The following ANK1 variants were observed in gnomAD, a reference collection of about 807,000 sequenced individuals.
ANK1 encodes ankyrin-1.
Under a neutral mutation model 210.4 loss-of-function variants are expected in ANK1, and 51 were observed. The observed-to-expected ratio is 0.24, with a 90% confidence interval of 0.19 to 0.31. ANK1 has a LOEUF of 0.31. Ranked by LOEUF, ANK1 falls within the 10% of genes least tolerant of loss-of-function variation. ANK1 has a pLI of 1.00. For synonymous variants in ANK1, 967 were observed against 1,025.9 expected, an observed-to-expected ratio of 0.94 and a Z score of 1.10; for missense variants, 2,051 against 2,504.4, an observed-to-expected ratio of 0.82 and a Z score of 3.86.
intron 2 of ANK1, among the ~76,000 whole-genome samples, chr8:41,746,331 C>T (rs1489541122): frequency 6.6e-6 from 1 of 152,186 alleles, no homozygotes; most frequent in Non-Finnish European, 1.5e-5. Flanking sequence ...AAAATCACAC[C>T]TGATCTCCTT....
intron 1 of ANK1, among the ~76,000 whole-genome samples, chr8:41,808,494 A>G (rs1451196925): frequency 6.6e-6 from 1 of 152,004 alleles, no homozygotes; most frequent in East Asian, 1.9e-4. Context: ...GTGAAACTCC[A>G]TCTCTATTAA....
chr8:41,892,836 G>A (rs977362973), intron 1 of ANK1, among the ~76,000 whole-genome samples: 7 of 152,128 alleles, frequency 4.6e-5, no homozygotes, highest in African/African-American at 1.4e-4. Context: ...ACTGCCTGCC[G>A]CTTGAGTCAG....
rs918730783 is a variant in ANK1 at position 41,831,067 on chromosome 8, C to T, written c.126+65288G>A. On this transcript the variant is annotated intron_variant, in intron 1 of 42. Coordinates refer to the ANK1 transcript ENST00000265709. ...TTGCAGCAACAGATGATGAAGGGAA[C>T]TGAGATACAGACGAAAGCACAGCGG... Among the ~76,000 whole-genome samples the T allele has an allele frequency of 2.7e-4, 41 of 152,296 alleles. 1 individual carries two copies. Among genetic ancestry groups the T allele is most frequent in the African/African-American group, 9.6e-4 (40 of 41,572 alleles).
At chr8:41,793,077 G>A (rs967883480) in intron 1 of ANK1, among the ~76,000 whole-genome samples, 2 of 152,176 alleles carry the variant, frequency 1.3e-5, no homozygotes, top group Non-Finnish European at 2.9e-5. Flanking sequence ...TGGGAGTTCT[G>A]AATAAGAAGT....
Position 41,725,754 on chromosome 8 carries a change from C to A in ANK1, c.612+7G>T. 6.2e-7 allele frequency: 1 copy of A among 1,608,642 alleles called. No individual in the cohort carries two copies. Among genetic ancestry groups the A allele is most frequent in the Non-Finnish European group, 8.5e-7 (1 of 1,179,186 alleles). ...GCCCAAGGCTCCTCCCTCCTCCTCG[C>A]CCTCACCTTGGAAAGCACGTCCGGG... On this transcript the variant is annotated splice_region_variant and intron_variant, in intron 6 of 42. Transcript: ENST00000289734.
At chr8:41,750,393 C>T (rs13257621) in intron 2 of ANK1, among the ~76,000 whole-genome samples, 15,371 of 152,182 alleles carry the variant, frequency 0.1, 908 homozygotes, top group South Asian at 0.14. Flanking sequence ...ATACTCGACC[C>T]GTGGGGCTAA....
At chr8:41,870,626 G>A (rs1268296574) in intron 1 of ANK1, among the ~76,000 whole-genome samples, 8 of 152,236 alleles carry the variant, frequency 5.3e-5, no homozygotes, top group South Asian at 2.1e-4. Context: ...TGTGGCCGGC[G>A]TGAGGGAACA....
At chr8:41,805,405 C>A (rs1397690582) in intron 1 of ANK1, among the ~76,000 whole-genome samples, 1 of 152,000 alleles carries the variant, frequency 6.6e-6, no homozygotes, top group African/African-American at 2.4e-5. Flanking sequence ...CTGTACCCAG[C>A]TAATTTTTTT....
chr8:41,712,091 A>AT (rs563016684), intron 16 of ANK1, among the ~76,000 whole-genome samples: 1 of 151,886 alleles, frequency 6.6e-6, no homozygotes, highest in Non-Finnish European at 1.5e-5. Flanking sequence ...TGCCCGGCTA[A>AT]TTTTTGTATT....
chr8:41,672,087 C>T (rs1812585167), intron 38 of ANK1, among the ~76,000 whole-genome samples: 1 of 152,202 alleles, frequency 6.6e-6, no homozygotes, highest in African/African-American at 2.4e-5. Flanking sequence ...TCCCGGCGCC[C>T]ATATGTCCCT....
intron 1 of ANK1, among the ~76,000 whole-genome samples, chr8:41,875,784 G>C (rs374072506): frequency 6.6e-6 from 1 of 152,260 alleles, no homozygotes; most frequent in Non-Finnish European, 1.5e-5. Flanking sequence ...TTTTTCCCCG[G>C]ACAGCCACAT....
At chr8:41,769,175 A>G in intron 1 of ANK1, among the ~76,000 whole-genome samples, 1 of 152,188 alleles carries the variant, frequency 6.6e-6, no homozygotes, top group African/African-American at 2.4e-5. Context: ...AAAAACTGGT[A>G]TTTGAAGATG....
Position 41,696,814 on chromosome 8 carries a change from G to A in ANK1, c.2638-41C>T, listed in dbSNP as rs148876153. Reference sequence around the variant, plus strand: ...GGGTCCTCCTGTCCCACCTCCTCCCGGGCCAGCTGGATGCCGTGCCAGGGC... The same window carrying A: ...GGGTCCTCCTGTCCCACCTCCTCCCAGGCCAGCTGGATGCCGTGCCAGGGC... On this transcript the variant is annotated intron_variant, in intron 24 of 42. Transcript: ENST00000289734. 2.3e-4 allele frequency: 352 copies of A among 1,557,968 alleles called. 1 individual carries two copies. In the East Asian group the frequency reaches 4.0e-3, roughly 18 times the overall value.
chr8:41,703,438 A>ATTTTT (rs1563491543), intron 20 of ANK1, among the ~76,000 whole-genome samples: 5 of 68,528 alleles, frequency 7.3e-5, no homozygotes, highest in African/African-American at 2.9e-4. Context: ...ATATATATAT[A>ATTTTT]TATATATATA....
chr8:41,723,328 C>T (rs1404708575), intron 8 of ANK1, 105 bp from the exon 9 acceptor site: 10 of 1,309,728 alleles, frequency 7.6e-6, no homozygotes, highest in African/African-American at 4.3e-5. Flanking sequence ...CAAGTGCTGA[C>T]GTTTCCTCAA....
chr8:41,846,195 G>A (rs2150808304), intron 1 of ANK1, among the ~76,000 whole-genome samples: 1 of 152,340 alleles, frequency 6.6e-6, no homozygotes, highest in East Asian at 1.9e-4. Context: ...TGACTGTGGT[G>A]TGGCTGGATT....
chr8:41,727,148 C>T (rs1586503842), intron 5 of ANK1, 102 bp downstream of exon 5: 3 of 868,416 alleles, frequency 3.5e-6, no homozygotes, highest in East Asian at 2.5e-5. Context: ...TCCATCATGA[C>T]ATGGATGCAC....
chr8:41,715,875 A>G, intron 13 of ANK1, 26 bp from the exon 14 acceptor site: 2 of 1,613,944 alleles, frequency 1.2e-6, no homozygotes, highest in African/African-American at 1.3e-5. Context: ...AAAACAAAGA[A>G]GAAGAAACGC....
In ANK1 at chr8:41,882,950, C is replaced by T. The variant is rs553009173; in HGVS notation, c.126+13405G>A. Reference sequence around the variant, plus strand: ...TTCTGCCCCCTGCATTCCCTGTTCACCTGAGGCAGGTGCTCTCCGCCCTCC... The same window carrying T: ...TTCTGCCCCCTGCATTCCCTGTTCATCTGAGGCAGGTGCTCTCCGCCCTCC... On this transcript the variant is annotated intron_variant, in intron 1 of 42. Transcript: ENST00000265709. 9.2e-5 allele frequency among the ~76,000 whole-genome samples: 14 copies of T among 152,338 alleles called. No individual in the cohort carries two copies. In the South Asian group the frequency reaches 2.9e-3, roughly 32 times the overall value.
Sources: allele counts gnomAD v4.1 joint callset (sites outside exome capture counted in the v4.1 genomes callset), GRCh38; gene constraint gnomAD v4.1.1; transcripts MANE v1.5; gene names NCBI Gene and HGNC (gene_info 2026-07-23, HGNC 2026-07-21).